Variants in EXOC4 observed in about 807,000 individuals in gnomAD.
The protein encoded by EXOC4 is exocyst complex component 4.
A neutral mutation model predicts 107.2 loss-of-function variants in EXOC4; 71 were observed. The ratio of observed to expected loss-of-function variants is 0.66; its 90% confidence interval spans 0.55 to 0.81. EXOC4 has a LOEUF of 0.81. Among genes scored for constraint, EXOC4 ranks in the 30% least tolerant of loss-of-function variants. The pLI, the probability that EXOC4 is intolerant of heterozygous loss-of-function variation, is 0.00. For missense variants in EXOC4, 1,108 were observed against 1,189.6 expected, an observed-to-expected ratio of 0.93 and a Z score of 1.01; for synonymous variants, 456 against 441.2, an observed-to-expected ratio of 1.03 and a Z score of -0.42.
chr7:133,516,654 G>A (rs1365137589), intron 9 of EXOC4, among the ~76,000 whole-genome samples: 1 of 151,092 alleles, frequency 6.6e-6, no homozygotes, highest in Non-Finnish European at 1.5e-5. Context: ...GATTTTATAT[G>A]CACATGTTTT....
At chr7:133,558,145 A>G (rs1181748757) in intron 9 of EXOC4, among the ~76,000 whole-genome samples, 5 of 150,146 alleles carry the variant, frequency 3.3e-5, no homozygotes, top group Admixed American at 6.6e-5. Context: ...ACCCACGGTG[A>G]AATACTTCCT....
intron 10 of EXOC4, among the ~76,000 whole-genome samples, chr7:133,810,166 T>A (rs530681873): frequency 6.6e-6 from 1 of 152,336 alleles, no homozygotes; most frequent in South Asian, 2.1e-4. Flanking sequence ...AAATAAAACA[T>A]CACTGCTGTC....
At position 133,706,743 on chromosome 7, in the gene EXOC4, C is replaced by T. The variant is rs192821012; in HGVS notation, c.1514+76602C>T. ...AGCACACCTCCATTTGGACTAGCCACATTTGAAGTGCTTAATATCCCTGCA... is the reference window on the plus strand; with the variant it reads ...AGCACACCTCCATTTGGACTAGCCATATTTGAAGTGCTTAATATCCCTGCA... On this transcript the variant is annotated intron_variant, in intron 10 of 17. Coordinates refer to ENST00000253861, the MANE Select transcript of EXOC4 (RefSeq NM_021807.4). Among the ~76,000 whole-genome samples the T allele has an allele frequency of 7.9e-5, 12 of 152,252 alleles. No homozygotes were observed. The East Asian group carries it at 2.3e-3, about 29-fold the overall frequency.
intron 5 of EXOC4, among the ~76,000 whole-genome samples, chr7:133,347,188 T>C (rs1157348555): frequency 1.3e-5 from 2 of 152,104 alleles, no homozygotes; most frequent in African/African-American, 2.4e-5. Flanking sequence ...ATAATATAGG[T>C]ATACATGTAA....
At chr7:133,847,982 G>A (rs904909789) in intron 11 of EXOC4, among the ~76,000 whole-genome samples, 13 of 147,010 alleles carry the variant, frequency 8.8e-5, no homozygotes, top group South Asian at 2.1e-4. Context: ...TACCCGCCTC[G>A]GCCTCTCAAA....
At chr7:134,073,130 T>C in the EXOC4 span, among the ~76,000 whole-genome samples, 1 of 130,202 alleles carries the variant, frequency 7.7e-6, no homozygotes, top group Non-Finnish European at 1.5e-5. Context: ...CGCTTGAACC[T>C]GGGAGATGGA....
intron 6 of EXOC4, among the ~76,000 whole-genome samples, chr7:133,362,822 T>C (rs1796164003): frequency 6.6e-6 from 1 of 152,210 alleles, no homozygotes; most frequent in Non-Finnish European, 1.5e-5. Flanking sequence ...TAGCATTTCG[T>C]TTTATCTCTT....
At chr7:134,058,607 T>C (rs1000504123) in intron 17 of EXOC4, among the ~76,000 whole-genome samples, 36 of 152,234 alleles carry the variant, frequency 2.4e-4, no homozygotes, top group African/African-American at 6.8e-4. Flanking sequence ...TGTTCAGATA[T>C]AACTGCAAAG....
intron 10 of EXOC4, among the ~76,000 whole-genome samples, chr7:133,779,722 T>G (rs1796420770): frequency 6.6e-6 from 1 of 152,068 alleles, no homozygotes; most frequent in African/African-American, 2.4e-5. Flanking sequence ...GCTCTGTAGC[T>G]AGCTAGAGAT....
At chr7:133,344,495 G>A (rs557113096) in intron 5 of EXOC4, among the ~76,000 whole-genome samples, 1 of 152,036 alleles carries the variant, frequency 6.6e-6, no homozygotes, top group East Asian at 1.9e-4. Context: ...TCTTTGTTTT[G>A]GTAGCATCGG....
At chr7:133,764,411 T>A (rs1432936944) in intron 10 of EXOC4, among the ~76,000 whole-genome samples, 4 of 152,086 alleles carry the variant, frequency 2.6e-5, no homozygotes, top group Non-Finnish European at 5.9e-5. Flanking sequence ...TTCATGAATA[T>A]TTTATGATGG....
intron 17 of EXOC4, among the ~76,000 whole-genome samples, chr7:134,061,888 G>A (rs912702944): frequency 1.3e-5 from 2 of 152,104 alleles, no homozygotes; most frequent in African/African-American, 4.8e-5. Flanking sequence ...TTAAATTACA[G>A]CAGATACATT....
chr7:133,457,151 A>T (rs1393529102), intron 7 of EXOC4, among the ~76,000 whole-genome samples: 1 of 152,202 alleles, frequency 6.6e-6, no homozygotes, highest in Non-Finnish European at 1.5e-5. Flanking sequence ...GGGAAATGAC[A>T]TGGCTTTTCA....
At chr7:133,965,836 A>G (rs865979007) in intron 14 of EXOC4, among the ~76,000 whole-genome samples, 24 of 152,262 alleles carry the variant, frequency 1.6e-4, no homozygotes, top group African/African-American at 5.3e-4. Flanking sequence ...ATGAAATTTA[A>G]AGTAGTTTTT....
At chr7:133,518,732 G>A (rs893029116) in intron 9 of EXOC4, among the ~76,000 whole-genome samples, 13 of 152,054 alleles carry the variant, frequency 8.5e-5, no homozygotes, top group African/African-American at 4.8e-5. Flanking sequence ...TAATACAGTC[G>A]CGAAAGGACA....
chr7:133,554,716 T>TA (rs1251529619), intron 9 of EXOC4, among the ~76,000 whole-genome samples: 4 of 152,186 alleles, frequency 2.6e-5, no homozygotes, highest in Non-Finnish European at 5.9e-5. Flanking sequence ...TGACCTTTCC[T>TA]ATCCCAGTAG....
chr7:133,660,108 T>C (rs180681588), intron 10 of EXOC4, among the ~76,000 whole-genome samples: 268 of 152,278 alleles, frequency 1.8e-3, no homozygotes, highest in South Asian at 0.016. Context: ...GAGCAGTACA[T>C]TTAGAATTCA....
intron 9 of EXOC4, among the ~76,000 whole-genome samples, chr7:133,566,920 C>T (rs1382812359): frequency 6.6e-6 from 1 of 151,956 alleles, no homozygotes; most frequent in Non-Finnish European, 1.5e-5. Flanking sequence ...AAACAATGAA[C>T]CTGGACACAT....
chr7:133,567,537 A>G (rs555982618), intron 9 of EXOC4, among the ~76,000 whole-genome samples: 1 of 152,150 alleles, frequency 6.6e-6, no homozygotes, highest in Non-Finnish European at 1.5e-5. Context: ...AATTTCTGGC[A>G]GTGGCGTTTG....
Sources: allele counts gnomAD v4.1 joint callset (sites outside exome capture counted in the v4.1 genomes callset), GRCh38; gene constraint gnomAD v4.1.1; transcripts MANE v1.5; gene names NCBI Gene and HGNC (gene_info 2026-07-23, HGNC 2026-07-21).